The following DIP2C variants were observed in gnomAD, a reference collection of about 807,000 sequenced individuals.
DIP2C encodes the protein DIP2 acetate--CoA ligase C (putative).
A neutral mutation model predicts 192.4 loss-of-function variants in DIP2C; 33 were observed. The ratio of observed to expected loss-of-function variants is 0.17; its 90% confidence interval spans 0.13 to 0.23. The LOEUF (loss-of-function observed/expected upper bound fraction) is 0.23, where lower values mean the gene tolerates loss of function less well. DIP2C is among the 10% of genes least tolerant of loss of function. The pLI, the probability that DIP2C is intolerant of heterozygous loss-of-function variation, is 1.00. For synonymous variants in DIP2C, 979 were observed against 864.1 expected (o/e 1.13, Z -2.33); for missense variants, 1,537 against 2,110.1 (o/e 0.73, Z 5.32).
intron 1 of DIP2C, among the ~76,000 whole-genome samples, chr10:595,651 G>A (rs912153013): frequency 6.6e-6 from 1 of 152,140 alleles, no homozygotes; most frequent in African/African-American, 2.4e-5. Flanking sequence ...CAGGGACATC[G>A]GTTCCAGGAC....
intron 1 of DIP2C, among the ~76,000 whole-genome samples, chr10:584,451 C>CA (rs935555389): frequency 6.7e-6 from 1 of 148,884 alleles, no homozygotes; most frequent in Non-Finnish European, 1.5e-5. Flanking sequence ...TCACGCGCAT[C>CA]ACCTCTCAAT....
At chr10:562,914 A>G (rs1345913932) in intron 1 of DIP2C, among the ~76,000 whole-genome samples, 1 of 152,230 alleles carries the variant, frequency 6.6e-6, no homozygotes, top group Non-Finnish European at 1.5e-5. Flanking sequence ...TGGCTGCTTA[A>G]AAGGAATGAA....
chr10:358,308 T>G (rs1230895663), intron 22 of DIP2C, among the ~76,000 whole-genome samples: 1 of 151,378 alleles, frequency 6.6e-6, no homozygotes, highest in African/African-American at 2.4e-5. Flanking sequence ...TGCAGAGACC[T>G]GTGGCTCCCG....
intron 1 of DIP2C, among the ~76,000 whole-genome samples, chr10:601,397 G>C (rs545278583): frequency 4.6e-5 from 7 of 152,316 alleles, no homozygotes; most frequent in South Asian, 4.1e-4. Context: ...AACGTGCTAA[G>C]TGCATTTTTT....
intron 4 of DIP2C, among the ~76,000 whole-genome samples, chr10:423,463 G>A (rs1448592974): frequency 6.6e-6 from 1 of 152,148 alleles, no homozygotes; most frequent in Non-Finnish European, 1.5e-5. Context: ...TGTTCTTGTG[G>A]GCTCTGATTT....
chr10:586,955 T>C (rs898326292), intron 1 of DIP2C, among the ~76,000 whole-genome samples: 2 of 143,336 alleles, frequency 1.4e-5, no homozygotes, highest in South Asian at 2.3e-4. Flanking sequence ...AACAGTGCAG[T>C]GTCTAAGGCC....
chr10:479,509 AT>A (rs938597479), intron 2 of DIP2C, among the ~76,000 whole-genome samples: 2 of 151,568 alleles, frequency 1.3e-5, no homozygotes. Context: ...AATTTTTAAT[AT>A]TTTTTAGTAG....
At position 379,201 on chromosome 10, in the gene DIP2C, C is replaced by CA. The variant is rs1962082198; in HGVS notation, c.1991+3445_1991+3446insT. ...CGAGTGCCACGCCCCCCCCCCCCCC[C>CA]CCCACAACCCCTGACAGCTGCTGCT... On this transcript the variant is annotated intron_variant, in intron 17 of 36. Transcript: ENST00000280886. Among the ~76,000 whole-genome samples, 3 of 24,528 alleles carry CA rather than the reference C, an allele frequency of 1.2e-4. No homozygotes were observed. In the East Asian group the frequency reaches 9.4e-3, roughly 77 times the overall value. The allele number at this position is 24,528 out of a possible 152,430, so 16.1% of individuals were successfully genotyped here.
At chr10:513,289 TTAC>T (rs555564859) in intron 1 of DIP2C, among the ~76,000 whole-genome samples, 1,562 of 152,318 alleles carry the variant, frequency 0.01, 13 homozygotes, top group Non-Finnish European at 0.014. Context: ...AGGGGAAAAG[TTAC>T]TACAATAACT....
intron 1 of DIP2C, among the ~76,000 whole-genome samples, chr10:640,866 G>A (rs1466877108): frequency 6.6e-6 from 1 of 152,054 alleles, no homozygotes; most frequent in Admixed American, 6.6e-5. Context: ...CAAGGGTGTT[G>A]GCCAAGCCAC....
intron 1 of DIP2C, among the ~76,000 whole-genome samples, chr10:602,090 C>T (rs764832138): frequency 4.5e-5 from 6 of 133,056 alleles, no homozygotes; most frequent in Non-Finnish European, 9.5e-5. Flanking sequence ...GGGGTGGGGG[C>T]GGGGAATGTC....
At chr10:414,758 A>ATATATATATATATATATATATATATATAG (rs1965483166) in intron 7 of DIP2C, among the ~76,000 whole-genome samples, 1 of 35,474 alleles carries the variant, frequency 2.8e-5, no homozygotes, top group Non-Finnish European at 5.6e-5. Context: ...TATATATATA[A>ATATATATATATATATATATATATATATAG]TGTGTATATA....
intron 31 of DIP2C, chr10:324,878 C>T: frequency 1.9e-6 from 1 of 518,396 alleles, no homozygotes; most frequent in Non-Finnish European, 4.0e-6. Context: ...TGTCCCTTTC[C>T]TGCGCTGTTT....
At chr10:640,708 GAA>G (rs1158289114) in intron 1 of DIP2C, among the ~76,000 whole-genome samples, 1 of 128,142 alleles carries the variant, frequency 7.8e-6, no homozygotes, top group African/African-American at 3.7e-5. Context: ...TGCGCGCGGG[GAA>G]GAGGCTGCGC....
At chr10:361,791 C>A (rs1461410357) in intron 22 of DIP2C, among the ~76,000 whole-genome samples, 2 of 152,156 alleles carry the variant, frequency 1.3e-5, no homozygotes, top group African/African-American at 2.4e-5. Flanking sequence ...CGTTTTCCAC[C>A]CTTTCAGAGC....
At chr10:438,095 T>C (rs1967417531) in intron 4 of DIP2C, among the ~76,000 whole-genome samples, 1 of 152,258 alleles carries the variant, frequency 6.6e-6, no homozygotes, top group African/African-American at 2.4e-5. Context: ...AGGTTTTTTA[T>C]GGTTTATATA....
intron 29 of DIP2C, among the ~76,000 whole-genome samples, chr10:331,804 T>C (rs1440422115): frequency 6.6e-6 from 1 of 152,252 alleles, no homozygotes. Flanking sequence ...GTTAGGCACA[T>C]AAGGGGTGAA....
intron 1 of DIP2C, among the ~76,000 whole-genome samples, chr10:581,463 T>A (rs536558374): frequency 6.6e-6 from 1 of 152,002 alleles, no homozygotes; most frequent in Non-Finnish European, 1.5e-5. Context: ...CTTAGAGGTT[T>A]TTTTTAAAGT....
chr10:344,496 G>A (rs927095862), intron 28 of DIP2C, among the ~76,000 whole-genome samples: 1 of 152,188 alleles, frequency 6.6e-6, no homozygotes, highest in African/African-American at 2.4e-5. Context: ...GCTAGAAAGT[G>A]CAGTGTGCAG....
Sources: gnomAD v4.1 joint callset for allele counts (sites outside exome capture counted in the v4.1 genomes callset) on GRCh38, gnomAD v4.1.1 for gene constraint, MANE v1.5 for transcripts, NCBI Gene and HGNC (gene_info 2026-07-23, HGNC 2026-07-21) for gene names.